Variants in TMEM128 observed in about 807,000 individuals in gnomAD.
The protein encoded by TMEM128 is transmembrane protein 128.
A neutral mutation model predicts 19.7 loss-of-function variants in TMEM128; 16 were observed. That is an observed-to-expected ratio of 0.81 (90% CI 0.55 to 1.23). The LOEUF (loss-of-function observed/expected upper bound fraction) is 1.23, where lower values mean the gene tolerates loss of function less well. Among genes scored for constraint, TMEM128 ranks in the 50% most tolerant of loss-of-function variants. The pLI is 0.00. For missense variants in TMEM128, 237 were observed against 200.8 expected (o/e 1.18, Z -1.09); for synonymous variants, 98 against 75.8 (o/e 1.29, Z -1.52).
chr4:4,236,726 T>A (rs1435319865), intron 4 of TMEM128, among the ~76,000 whole-genome samples: 3 of 152,234 alleles, frequency 2.0e-5, no homozygotes, highest in African/African-American at 4.8e-5. Flanking sequence ...AATGAGAGTA[T>A]GTCCATTTCT....
chr4:4,248,025 CTG>C, intron 1 of TMEM128, 79 bp downstream of exon 1: 1 of 1,509,872 alleles, frequency 6.6e-7, no homozygotes, highest in Non-Finnish European at 8.8e-7. Context: ...TCCTTCCAGA[CTG>C]GGCCAGGGCT....
At chr4:4,242,198 A>G (rs66523122) in intron 2 of TMEM128, among the ~76,000 whole-genome samples, 46,840 of 151,718 alleles carry the variant, frequency 0.31, 7,854 homozygotes, top group East Asian at 0.46. Context: ...GTCAGCCACC[A>G]TGCCCAGCCA....
At chr4:4,238,511 T>TGATAAGTATGAGTA (rs1486019296) in intron 3 of TMEM128, among the ~76,000 whole-genome samples, 2 of 152,202 alleles carry the variant, frequency 1.3e-5, no homozygotes, top group Non-Finnish European at 2.9e-5. Flanking sequence ...TATAATAGTT[T>TGATAAGTATGAGTA]GATAAGTATG....
At chr4:4,244,187 C>T (rs1032522238) in intron 2 of TMEM128, among the ~76,000 whole-genome samples, 1 of 152,292 alleles carries the variant, frequency 6.6e-6, no homozygotes, top group Non-Finnish European at 1.5e-5. Context: ...AAGTACCCAT[C>T]CCCTCCAGCC....
At position 4,241,644 on chromosome 4, in the gene TMEM128, G is replaced by A. The variant is rs116298761; in HGVS notation, c.240-1165C>T. Among the ~76,000 whole-genome samples, 1,231 of 152,292 alleles carry A rather than the reference G, an allele frequency of 8.1e-3. 19 individuals carry two copies. Among genetic ancestry groups the A allele is most frequent in the African/African-American group, 0.028 (1,170 of 41,546 alleles). ...GCTTTTTACGATGATGCAATTCTGA[G>A]ATTCGGAGTCATGAGAGGCTGTAGA... On this transcript the variant is annotated intron_variant, in intron 2 of 4. Coordinates refer to ENST00000382753, the MANE Select transcript of TMEM128 (RefSeq NM_001297551.2).
At chr4:4,245,172 A>G (rs1449675654) in intron 2 of TMEM128, among the ~76,000 whole-genome samples, 4 of 152,052 alleles carry the variant, frequency 2.6e-5, no homozygotes, top group Admixed American at 1.3e-4. Flanking sequence ...ATGCTCACCA[A>G]CATACCTCTC....
At chr4:4,247,630 T>C (rs769274012) in intron 1 of TMEM128, 93 of 1,614,240 alleles carry the variant, frequency 5.8e-5, no homozygotes, top group East Asian at 5.6e-4. Context: ...CGGCATACCA[T>C]AGTGTTCCAC....
Position 4,248,197 on chromosome 4 carries a change from G to T in TMEM128, c.6C>A (p.Asp2Glu), listed in dbSNP as rs150283143. The change falls in exon 1 of 5, where the codon GAC (aspartate) becomes GAA (glutamate). Residue 2 changes from aspartate to glutamate, a missense_variant. Coordinates refer to ENST00000382753, the MANE Select transcript of TMEM128 (RefSeq NM_001297551.2). ...GGAGCTGCTGCCGGGCCCGCGAGGAGTCCATCTTGGTACCGCCCCGAAATG... is the reference window on the plus strand; with the variant it reads ...GGAGCTGCTGCCGGGCCCGCGAGGATTCCATCTTGGTACCGCCCCGAAATG... Reference protein sequence around the residue: MDSSRARQQLRR... With the variant: MESSRARQQLRR... The T allele has an allele frequency of 6.6e-7, 1 of 1,522,128 alleles. No homozygotes were observed. Among genetic ancestry groups the T allele is most frequent in the African/African-American group, 1.4e-5 (1 of 71,468 alleles). The allele number at this position is 1,522,128 out of a possible 1,614,324, so 94.3% of individuals were successfully genotyped here.
chr4:4,242,987 C>CT (rs1718023544), intron 2 of TMEM128, among the ~76,000 whole-genome samples: 1 of 152,208 alleles, frequency 6.6e-6, no homozygotes, highest in African/African-American at 2.4e-5. Flanking sequence ...TACTTTCTGT[C>CT]TTTAACTCCA....
intron 3 of TMEM128, among the ~76,000 whole-genome samples, chr4:4,239,092 C>T (rs1403006486): frequency 3.9e-5 from 6 of 152,300 alleles, no homozygotes; most frequent in Non-Finnish European, 7.4e-5. Context: ...GAGAGCTGCA[C>T]ACAACATAGG....
chr4:4,240,158 G>C (rs989265161), intron 3 of TMEM128, among the ~76,000 whole-genome samples, 163 bp downstream of exon 3: 8 of 152,138 alleles, frequency 5.3e-5, no homozygotes, highest in Admixed American at 4.6e-4. Flanking sequence ...AATAGAAGGA[G>C]AAAGAGATAC....
chr4:4,247,512 C>T (rs1481973467), intron 1 of TMEM128: 14 of 1,584,618 alleles, frequency 8.8e-6, no homozygotes, highest in Non-Finnish European at 1.2e-5. Flanking sequence ...AACCTCAGAT[C>T]TAATCCCCAG....
chr4:4,238,277 A>G (rs762436065), intron 3 of TMEM128, among the ~76,000 whole-genome samples: 2 of 152,244 alleles, frequency 1.3e-5, no homozygotes, highest in Non-Finnish European at 2.9e-5. Flanking sequence ...ATCACACACT[A>G]AACTATCATG....
intron 2 of TMEM128, among the ~76,000 whole-genome samples, chr4:4,242,136 G>A (rs1341515790): frequency 6.6e-6 from 1 of 152,088 alleles, no homozygotes; most frequent in Non-Finnish European, 1.5e-5. Flanking sequence ...TCGAATTCCT[G>A]ACCTCAAGTG....
intron 1 of TMEM128, among the ~76,000 whole-genome samples, chr4:4,246,611 C>T (rs1718185964): frequency 6.6e-6 from 1 of 152,110 alleles, no homozygotes; most frequent in Non-Finnish European, 1.5e-5. Flanking sequence ...AACAATGTCA[C>T]CTGGAAATGT....
At chr4:4,239,905 C>A (rs1198491727) in intron 3 of TMEM128, among the ~76,000 whole-genome samples, 1 of 152,144 alleles carries the variant, frequency 6.6e-6, no homozygotes, top group Non-Finnish European at 1.5e-5. Context: ...AAGGTCAGGG[C>A]AGTATTTACC....
chr4:4,247,469 A>T, intron 1 of TMEM128: 1 of 1,243,050 alleles, frequency 8.0e-7, no homozygotes, highest in Non-Finnish European at 1.1e-6. Flanking sequence ...GAGATAAAAA[A>T]TATCCAAAAT....
intron 2 of TMEM128, among the ~76,000 whole-genome samples, chr4:4,242,831 T>G (rs1017143408): frequency 6.6e-6 from 1 of 152,058 alleles, no homozygotes; most frequent in East Asian, 1.9e-4. Flanking sequence ...AGAAAATTTT[T>G]TAAACTGCCT....
At chr4:4,247,714 T>C (rs940470923) in intron 1 of TMEM128, 135 of 1,596,646 alleles carry the variant, frequency 8.5e-5, no homozygotes, top group Non-Finnish European at 1.1e-4. Context: ...ATACCCAAAT[T>C]TACTTAAACA....
Sources: allele counts gnomAD v4.1 joint callset (sites outside exome capture counted in the v4.1 genomes callset), GRCh38; gene constraint gnomAD v4.1.1; transcripts MANE v1.5; gene names NCBI Gene and HGNC (gene_info 2026-07-23, HGNC 2026-07-21).